Variants in RBMS3 observed in about 807,000 individuals in gnomAD.
RBMS3 encodes the protein RNA binding motif single stranded interacting protein 3.
RBMS3 carries 27 observed loss-of-function variants against 66.8 expected under a neutral mutation model. The observed-to-expected ratio is 0.40, with a 90% confidence interval of 0.30 to 0.56. The LOEUF (loss-of-function observed/expected upper bound fraction) is 0.56. Among genes scored for constraint, RBMS3 ranks in the 20% least tolerant of loss-of-function variants. The pLI, the probability that RBMS3 is intolerant of heterozygous loss-of-function variation, is 0.40. For synonymous variants in RBMS3, 188 were observed against 183.0 expected (o/e 1.03, Z -0.22); for missense variants, 513 against 549.5 (o/e 0.93, Z 0.66).
At chr3:29,310,928 G>A (rs1472361370) in intron 1 of RBMS3, among the ~76,000 whole-genome samples, 3 of 151,738 alleles carry the variant, frequency 2.0e-5, no homozygotes, top group Non-Finnish European at 4.4e-5. Flanking sequence ...GTGAAGCAAA[G>A]CTAAGCAAAC....
At chr3:29,450,900 G>A (rs528768727) in intron 2 of RBMS3, among the ~76,000 whole-genome samples, 237 of 114,360 alleles carry the variant, frequency 2.1e-3, no homozygotes, top group Non-Finnish European at 2.0e-3. Flanking sequence ...TCAACACACA[G>A]ATACACACAC....
At chr3:29,822,481 G>A (rs984436132) in intron 6 of RBMS3, among the ~76,000 whole-genome samples, 43 of 152,092 alleles carry the variant, frequency 2.8e-4, no homozygotes, top group Non-Finnish European at 4.9e-4. Flanking sequence ...TGGAATAAAT[G>A]GATAGTCACA....
At chr3:29,772,556 G>A (rs996738230) in intron 6 of RBMS3, among the ~76,000 whole-genome samples, 2 of 151,998 alleles carry the variant, frequency 1.3e-5, no homozygotes, top group African/African-American at 2.4e-5. Context: ...CTGCAATGGA[G>A]TCTCTTACAG....
chr3:29,846,847 A>G (rs1217935197), intron 6 of RBMS3, among the ~76,000 whole-genome samples: 2 of 152,220 alleles, frequency 1.3e-5, no homozygotes, highest in African/African-American at 2.4e-5. Flanking sequence ...ATTTTTACTA[A>G]TAATAGGTTT....
intron 10 of RBMS3, among the ~76,000 whole-genome samples, chr3:29,900,654 C>A (rs1314541808): frequency 6.6e-6 from 1 of 151,730 alleles, no homozygotes; most frequent in Non-Finnish European, 1.5e-5. Flanking sequence ...TCTGGGTATG[C>A]TCTCTGTGCA....
intron 4 of RBMS3, among the ~76,000 whole-genome samples, chr3:29,611,563 A>G (rs2048493394): frequency 6.6e-6 from 1 of 151,880 alleles, no homozygotes; most frequent in Non-Finnish European, 1.5e-5. Flanking sequence ...CTTGTATGCC[A>G]GAAAAAAATG....
chr3:29,473,541 G>A lies in RBMS3; in HGVS notation c.249-14900G>A, dbSNP rs532511083. On this transcript the variant is annotated intron_variant, in intron 2 of 14. Transcript: ENST00000383767. ...CCTTGGGTGGTTGATGGGACTGGGC[G>A]CCGTGGAACCAGGGGTGGCGCTCGT... Among the ~76,000 whole-genome samples the A allele has an allele frequency of 1.5e-4, 23 of 152,356 alleles. No homozygotes were observed. The South Asian group carries it at 3.5e-3, about 23-fold the overall frequency.
At chr3:29,487,148 G>T (rs1377100851) in intron 2 of RBMS3, among the ~76,000 whole-genome samples, 2 of 152,092 alleles carry the variant, frequency 1.3e-5, no homozygotes, top group Non-Finnish European at 2.9e-5. Context: ...TAAAGAGACT[G>T]TTCAAATATG....
intron 3 of RBMS3, among the ~76,000 whole-genome samples, chr3:29,493,853 T>C (rs556287755): frequency 2.6e-5 from 4 of 152,274 alleles, no homozygotes; most frequent in East Asian, 3.9e-4. Context: ...CATTGCTTTA[T>C]TTAGGAAAGA....
intron 4 of RBMS3, among the ~76,000 whole-genome samples, chr3:29,665,989 C>T (rs1268953749): frequency 6.6e-6 from 1 of 152,106 alleles, no homozygotes; most frequent in Non-Finnish European, 1.5e-5. Flanking sequence ...CTACAGTTAA[C>T]CCTCTCCTCA....
At chr3:29,943,201 G>T (rs965358927) in intron 11 of RBMS3, among the ~76,000 whole-genome samples, 1 of 151,776 alleles carries the variant, frequency 6.6e-6, no homozygotes, top group Non-Finnish European at 1.5e-5. Flanking sequence ...GAAAATTTGG[G>T]ATTTTTGCTT....
intron 2 of RBMS3, among the ~76,000 whole-genome samples, chr3:29,440,276 A>T (rs944531993): frequency 6.6e-6 from 1 of 152,146 alleles, no homozygotes; most frequent in African/African-American, 2.4e-5. Context: ...TATAAATTTG[A>T]TTTAATACAA....
intron 3 of RBMS3, among the ~76,000 whole-genome samples, chr3:29,544,933 T>C (rs1424506844): frequency 6.6e-5 from 10 of 152,148 alleles, no homozygotes; most frequent in Non-Finnish European, 1.2e-4. Context: ...ATAGGCAATA[T>C]TGAGGCCAAA....
chr3:29,965,511 C>T (rs1167131128), intron 12 of RBMS3, among the ~76,000 whole-genome samples: 1 of 151,964 alleles, frequency 6.6e-6, no homozygotes, highest in East Asian at 1.9e-4. Flanking sequence ...TGTTTGTTGG[C>T]CATTTGTATA....
At chr3:29,928,207 T>TACACACAC (rs1462382952) in intron 10 of RBMS3, among the ~76,000 whole-genome samples, 59 of 112,242 alleles carry the variant, frequency 5.3e-4, no homozygotes, top group African/African-American at 2.1e-3. Context: ...TATATATATA[T>TACACACAC]ATATACACAC....
At chr3:29,453,691 AT>A (rs1315909683) in intron 2 of RBMS3, among the ~76,000 whole-genome samples, 1 of 152,068 alleles carries the variant, frequency 6.6e-6, no homozygotes, top group African/African-American at 2.4e-5. Context: ...AAGTTAAGAG[AT>A]TTCTTGGCAG....
intron 5 of RBMS3, among the ~76,000 whole-genome samples, chr3:29,757,913 AC>A (rs1482884516): frequency 1.3e-5 from 2 of 152,138 alleles, no homozygotes; most frequent in African/African-American, 4.8e-5. Flanking sequence ...CAATCCAGTT[AC>A]TATATTGTGT....
chr3:29,890,589 TTCTA>T (rs140246633), intron 8 of RBMS3, among the ~76,000 whole-genome samples: 39 of 151,714 alleles, frequency 2.6e-4, no homozygotes, highest in African/African-American at 8.4e-4. Flanking sequence ...TTTTTCAACT[TTCTA>T]TCTATAGTAC....
chr3:29,915,483 T>C (rs901987893), intron 10 of RBMS3, among the ~76,000 whole-genome samples: 1 of 151,988 alleles, frequency 6.6e-6, no homozygotes, highest in African/African-American at 2.4e-5. Context: ...TGTTTTCTTC[T>C]CTGTTCTATT....
Sources: gnomAD v4.1 joint callset for allele counts (sites outside exome capture counted in the v4.1 genomes callset) on GRCh38, gnomAD v4.1.1 for gene constraint, MANE v1.5 for transcripts, NCBI Gene and HGNC (gene_info 2026-07-23, HGNC 2026-07-21) for gene names.